The following DCDC1 variants were observed in gnomAD, a reference collection of about 807,000 sequenced individuals.
DCDC1 encodes the protein doublecortin domain containing 1.
A neutral mutation model predicts 178.3 loss-of-function variants in DCDC1; 200 were observed. That is an observed-to-expected ratio of 1.12 (90% CI 1.00 to 1.26). The LOEUF (loss-of-function observed/expected upper bound fraction) is 1.26, where lower values mean the gene tolerates loss of function less well. Among genes scored for constraint, DCDC1 ranks in the 50% most tolerant of loss-of-function variants. The pLI is 0.00. For synonymous variants in DCDC1, 690 were observed against 604.8 expected (o/e 1.14, Z -2.07); for missense variants, 1,983 against 1,749.2 (o/e 1.13, Z -2.38).
In DCDC1 at chr11:31,022,738, AT is replaced by A. The variant is rs766645280; in HGVS notation, c.2591+41730del. Among the ~76,000 whole-genome samples the A allele has an allele frequency of 1.1e-4, 16 of 146,880 alleles. No individual in the cohort carries two copies. The East Asian group carries it at 1.6e-3, about 15-fold the overall frequency. On this transcript the variant is annotated intron_variant, in intron 20 of 38. Coordinates refer to ENST00000684477, the MANE Select transcript of DCDC1 (RefSeq NM_001387274.1). ...TATCTACTCTTTATCAATATAAATT[AT>A]TCGTGTGTGTGTGTGTGTGTATAGG...
intron 34 of DCDC1, among the ~76,000 whole-genome samples, chr11:30,894,719 C>G (rs1250209610): frequency 2.0e-5 from 3 of 152,188 alleles, no homozygotes; most frequent in Middle Eastern, 3.2e-3. Context: ...TATATAGCTC[C>G]TATCATCCTT....
intron 20 of DCDC1, among the ~76,000 whole-genome samples, chr11:31,019,621 T>C (rs1185891373): frequency 6.6e-6 from 1 of 152,200 alleles, no homozygotes; most frequent in Non-Finnish European, 1.5e-5. Context: ...ATAGCATAAC[T>C]GGTATGATCT....
intron 8 of DCDC1, among the ~76,000 whole-genome samples, chr11:31,251,315 C>G (rs1944014717): frequency 6.6e-6 from 1 of 152,146 alleles, no homozygotes; most frequent in South Asian, 2.1e-4. Context: ...CACAGGGTAT[C>G]CAGACATTTG....
At chr11:31,229,145 C>T (rs530668369) in intron 9 of DCDC1, among the ~76,000 whole-genome samples, 4 of 152,172 alleles carry the variant, frequency 2.6e-5, no homozygotes, top group African/African-American at 9.6e-5. Context: ...ACTCCAGGCC[C>T]AGATGGTTTT....
chr11:30,974,469 C>A (rs367682472), intron 20 of DCDC1, among the ~76,000 whole-genome samples: 2 of 151,756 alleles, frequency 1.3e-5, no homozygotes, highest in South Asian at 2.1e-4. Flanking sequence ...GAACTGTTAG[C>A]TAGAATCATC....
chr11:31,046,861 T>G (rs1954875289), intron 20 of DCDC1, among the ~76,000 whole-genome samples: 1 of 152,126 alleles, frequency 6.6e-6, no homozygotes, highest in African/African-American at 2.4e-5. Flanking sequence ...CAATAAAAAC[T>G]TTACACGTTT....
At chr11:30,974,329 C>A in intron 20 of DCDC1, among the ~76,000 whole-genome samples, 1 of 144,490 alleles carries the variant, frequency 6.9e-6, no homozygotes, top group African/African-American at 2.5e-5. Flanking sequence ...CAAGGGACTA[C>A]AAAAGCAAGA....
intron 1 of DCDC1, among the ~76,000 whole-genome samples, chr11:31,357,042 A>G (rs1951416447): frequency 6.6e-6 from 1 of 151,414 alleles, no homozygotes; most frequent in Non-Finnish European, 1.5e-5. Flanking sequence ...TTCTGAAACT[A>G]TTCCAATCAA....
chr11:31,162,343 T>C (rs1214169052), intron 9 of DCDC1, among the ~76,000 whole-genome samples: 6 of 152,120 alleles, frequency 3.9e-5, no homozygotes. Context: ...TCAAGCCTTA[T>C]AATATAGCAT....
chr11:31,200,973 C>A (rs1013818391), intron 9 of DCDC1, among the ~76,000 whole-genome samples: 2 of 151,702 alleles, frequency 1.3e-5, no homozygotes, highest in African/African-American at 2.4e-5. Flanking sequence ...AATCTTCTAG[C>A]CCCCAAATCT....
At chr11:31,233,381 T>C (rs928535250) in intron 9 of DCDC1, among the ~76,000 whole-genome samples, 4 of 152,218 alleles carry the variant, frequency 2.6e-5, no homozygotes, top group African/African-American at 7.2e-5. Flanking sequence ...TCCTGAGGGT[T>C]AGGCCTTAGA....
Position 30,986,185 on chromosome 11 carries a change from T to G in DCDC1, c.2592-33617A>C, listed in dbSNP as rs191100516. ...TGGTTGCTTCATGGTCACAAATAATTGCTGCAGCTCCAGCCATCATGTTCA... is the reference window on the plus strand; with the variant it reads ...TGGTTGCTTCATGGTCACAAATAATGGCTGCAGCTCCAGCCATCATGTTCA... On this transcript the variant is annotated intron_variant, in intron 20 of 38. Coordinates refer to ENST00000684477, the MANE Select transcript of DCDC1 (RefSeq NM_001387274.1). Among the ~76,000 whole-genome samples, 306 of 151,932 alleles carry G rather than the reference T, an allele frequency of 2.0e-3. 1 individual carries two copies. The highest frequency in any genetic ancestry group is 3.0e-3 in the Non-Finnish European group (205 of 67,972).
chr11:31,361,912 T>C (rs528430468), intron 1 of DCDC1, among the ~76,000 whole-genome samples: 2 of 152,312 alleles, frequency 1.3e-5, no homozygotes, highest in East Asian at 3.9e-4. Flanking sequence ...CTTAGCTACA[T>C]CTACCTGAGG....
At chr11:31,255,026 A>G (rs1224700955) in intron 8 of DCDC1, among the ~76,000 whole-genome samples, 2 of 152,180 alleles carry the variant, frequency 1.3e-5, no homozygotes, top group East Asian at 1.9e-4. Flanking sequence ...TTTCAAATAA[A>G]TGGAATCATA....
intron 34 of DCDC1, among the ~76,000 whole-genome samples, chr11:30,896,441 G>A (rs1263746622): frequency 6.6e-6 from 1 of 152,216 alleles, no homozygotes; most frequent in Non-Finnish European, 1.5e-5. Context: ...GAGAACACAA[G>A]TGCTTTGCTG....
intron 25 of DCDC1, 42 bp from the exon 26 acceptor site, chr11:30,917,070 T>C (rs375727235): frequency 6.5e-7 from 1 of 1,547,178 alleles, no homozygotes; most frequent in Non-Finnish European, 8.7e-7. Flanking sequence ...AGAAATCTCA[T>C]TCGTGTTCAC....
intron 20 of DCDC1, among the ~76,000 whole-genome samples, chr11:30,960,556 T>A (rs779958751): frequency 6.6e-6 from 1 of 152,150 alleles, no homozygotes; most frequent in Non-Finnish European, 1.5e-5. Context: ...GTAAGTTCTC[T>A]GGAATCCTAA....
chr11:31,287,017 C>A (rs948143001), intron 7 of DCDC1, among the ~76,000 whole-genome samples: 1 of 151,908 alleles, frequency 6.6e-6, no homozygotes, highest in South Asian at 2.1e-4. Flanking sequence ...GGAACCCAAC[C>A]CCAGTGAAAA....
intron 6 of DCDC1, among the ~76,000 whole-genome samples, chr11:31,294,187 G>A (rs1259487726): frequency 1.3e-5 from 2 of 152,092 alleles, no homozygotes; most frequent in African/African-American, 4.8e-5. Context: ...AGGCCTATGA[G>A]ATGAGAAGTT....
Sources: allele counts gnomAD v4.1 joint callset (sites outside exome capture counted in the v4.1 genomes callset), GRCh38; gene constraint gnomAD v4.1.1; transcripts MANE v1.5; gene names NCBI Gene and HGNC (gene_info 2026-07-23, HGNC 2026-07-21).